The following ALG5 variants were observed in gnomAD, a reference collection of about 807,000 sequenced individuals.
The protein encoded by ALG5 is dolichyl-phosphate beta-glucosyltransferase.
A neutral mutation model predicts 51.8 loss-of-function variants in ALG5; 26 were observed. That is an observed-to-expected ratio of 0.50 (90% CI 0.37 to 0.70). The LOEUF is 0.70. ALG5 is among the 30% of genes least tolerant of loss of function. ALG5 has a pLI of 0.00. For synonymous variants in ALG5, 141 were observed against 136.1 expected, an observed-to-expected ratio of 1.04 and a Z score of -0.25; for missense variants, 311 against 399.3, an observed-to-expected ratio of 0.78 and a Z score of 1.88.
At chr13:36,952,656 T>C (rs1408774032) in intron 8 of ALG5, 57 bp from the exon 9 acceptor site, 1 of 1,037,362 alleles carries the variant, frequency 9.6e-7, no homozygotes, top group Non-Finnish European at 1.4e-6. Flanking sequence ...CACAACTACA[T>C]CTCTACCTTG....
intron 4 of ALG5, among the ~76,000 whole-genome samples, chr13:36,990,879 G>A (rs770267043): frequency 6.6e-6 from 1 of 152,114 alleles, no homozygotes; most frequent in Non-Finnish European, 1.5e-5. Flanking sequence ...ACACCTTCCT[G>A]ACCTAGTTCA....
intron 3 of ALG5, among the ~76,000 whole-genome samples, chr13:36,994,185 T>G (rs943885268): frequency 1.3e-5 from 2 of 152,228 alleles, no homozygotes; most frequent in African/African-American, 4.8e-5. Flanking sequence ...CTCATACATA[T>G]TAAAGGCTCA....
chr13:36,988,156 A>G (rs1048684477), intron 5 of ALG5, among the ~76,000 whole-genome samples: 4 of 152,152 alleles, frequency 2.6e-5, no homozygotes, highest in Non-Finnish European at 5.9e-5. Context: ...GCTGCCCTCA[A>G]AAGATGGTGG....
chr13:36,957,953 T>C (rs577900386), intron 8 of ALG5, among the ~76,000 whole-genome samples: 2 of 152,202 alleles, frequency 1.3e-5, no homozygotes, highest in Non-Finnish European at 2.9e-5. Flanking sequence ...CCAACCGCGT[T>C]TAAAGTGGCT....
chr13:36,952,649 A>C (rs2058823663), intron 8 of ALG5, 50 bp from the exon 9 acceptor site: 1 of 1,105,310 alleles, frequency 9.0e-7, no homozygotes, highest in Admixed American at 3.0e-5. Context: ...AATAGAACAC[A>C]ACTACATCTC....
chr13:36,975,841 C>T (rs9532003), intron 6 of ALG5, among the ~76,000 whole-genome samples: 55,853 of 151,642 alleles, frequency 0.37, 11,284 homozygotes, highest in Non-Finnish European at 0.46. Flanking sequence ...GGCAACATAG[C>T]GAAACCCCAT....
chr13:36,992,988 C>T (rs1364975745), intron 4 of ALG5, among the ~76,000 whole-genome samples: 1 of 152,150 alleles, frequency 6.6e-6, no homozygotes, highest in South Asian at 2.1e-4. Flanking sequence ...AGGTCAAGGG[C>T]CACCAAAAAA....
chr13:36,979,890 C>T (rs975694491), intron 6 of ALG5, among the ~76,000 whole-genome samples: 1 of 151,928 alleles, frequency 6.6e-6, no homozygotes, highest in Non-Finnish European at 1.5e-5. Context: ...GCTAAAAATA[C>T]CAAACAATTA....
intron 8 of ALG5, among the ~76,000 whole-genome samples, chr13:36,959,175 CAG>C (rs2058854278): frequency 1.3e-5 from 2 of 152,162 alleles, no homozygotes; most frequent in East Asian, 3.9e-4. Flanking sequence ...CACATAGAGG[CAG>C]AGAGTAGAAT....
intron 6 of ALG5, among the ~76,000 whole-genome samples, chr13:36,980,677 T>C (rs2058975431): frequency 6.6e-6 from 1 of 152,056 alleles, no homozygotes; most frequent in Non-Finnish European, 1.5e-5. Flanking sequence ...AAGTAAAATA[T>C]AAATGAAAGT....
chr13:36,972,088 A>T, intron 6 of ALG5, 52 bp from the exon 7 acceptor site: 3 of 1,310,660 alleles, frequency 2.3e-6, no homozygotes, highest in Non-Finnish European at 3.2e-6. Context: ...CACTAATAAA[A>T]ATATTTATTT....
chr13:36,968,222 G>A (rs1466028605), intron 7 of ALG5, among the ~76,000 whole-genome samples: 1 of 152,156 alleles, frequency 6.6e-6, no homozygotes, highest in African/African-American at 2.4e-5. Flanking sequence ...AGGCTTATAT[G>A]ATCTTCTGAA....
chr13:36,960,439 T>C (rs565311893), intron 8 of ALG5, among the ~76,000 whole-genome samples: 1 of 152,284 alleles, frequency 6.6e-6, no homozygotes, highest in African/African-American at 2.4e-5. Context: ...ACTAACTATT[T>C]AATATATAAA....
chr13:36,968,695 A>G (rs2058906633), intron 7 of ALG5, among the ~76,000 whole-genome samples: 1 of 152,242 alleles, frequency 6.6e-6, no homozygotes, highest in Non-Finnish European at 1.5e-5. Context: ...CGAAGTTGTC[A>G]TTTGCTATCT....
chr13:36,950,835 C>CT (rs1295319853), intron 9 of ALG5, among the ~76,000 whole-genome samples: 1 of 152,084 alleles, frequency 6.6e-6, no homozygotes, highest in Non-Finnish European at 1.5e-5. Flanking sequence ...ATCCTCCCAA[C>CT]TTAGGCTCCC....
At chr13:36,995,770 C>T (rs1034442691) in intron 1 of ALG5, among the ~76,000 whole-genome samples, 174 bp from the exon 2 acceptor site, 4 of 152,114 alleles carry the variant, frequency 2.6e-5, no homozygotes, top group African/African-American at 9.7e-5. Context: ...AGTGAGTCCC[C>T]TACTTATGAA....
intron 7 of ALG5, among the ~76,000 whole-genome samples, chr13:36,966,728 T>A (rs765292967): frequency 1.4e-4 from 21 of 152,228 alleles, no homozygotes; most frequent in Admixed American, 1.3e-4. Context: ...TAGACTCAAG[T>A]AATGATGCGT....
At chr13:36,995,227 C>T (rs1042459698) in intron 2 of ALG5, among the ~76,000 whole-genome samples, 192 bp from the exon 3 acceptor site, 4 of 152,148 alleles carry the variant, frequency 2.6e-5, no homozygotes, top group African/African-American at 7.2e-5. Flanking sequence ...ATTCCAGTCC[C>T]GCTGCCTCAT....
chr13:36,959,875 G>A (rs1566057826), intron 8 of ALG5, among the ~76,000 whole-genome samples: 1 of 151,834 alleles, frequency 6.6e-6, no homozygotes, highest in Non-Finnish European at 1.5e-5. Context: ...TGGAGATAGA[G>A]GATGGAGCAA....
Sources: gnomAD v4.1 joint callset for allele counts (sites outside exome capture counted in the v4.1 genomes callset) on GRCh38, gnomAD v4.1.1 for gene constraint, MANE v1.5 for transcripts, NCBI Gene and HGNC (gene_info 2026-07-23, HGNC 2026-07-21) for gene names.